The following WDR12 variants were observed in gnomAD, a reference collection of about 807,000 sequenced individuals.
WDR12 encodes the protein WD repeat domain 12.
WDR12 carries 42 observed loss-of-function variants against 64.3 expected under a neutral mutation model. That is an observed-to-expected ratio of 0.65 (90% CI 0.51 to 0.84). WDR12 has a LOEUF of 0.84. Ranked by LOEUF, WDR12 falls within the 40% of genes least tolerant of loss-of-function variation. The probability of loss-of-function intolerance (pLI) is 0.00; values close to 1 mark genes in which losing one functional copy is unlikely to be tolerated. For synonymous variants in WDR12, 158 were observed against 173.3 expected (o/e 0.91, Z 0.70); for missense variants, 469 against 494.6 (o/e 0.95, Z 0.49).
chr2:202,886,968 T>C (rs1271592959), intron 8 of WDR12, among the ~76,000 whole-genome samples: 1 of 152,176 alleles, frequency 6.6e-6, no homozygotes, highest in Non-Finnish European at 1.5e-5. Context: ...CATACACAGT[T>C]TCTGTTGTAT....
chr2:202,911,608 C>G lies in WDR12; in HGVS notation c.-132G>C. The G allele has an allele frequency of 1.2e-6, 1 of 835,530 alleles. No individual in the cohort carries two copies. The highest frequency in any genetic ancestry group is 2.0e-6 in the Non-Finnish European group (1 of 490,902). 51.8% of individuals were successfully genotyped at this position (835,530 alleles called of 1,614,324 possible). A position where few individuals can be genotyped will look rare whatever the true frequency, so the allele number is the denominator to read the frequency against. On this transcript the variant is annotated 5_prime_UTR_variant, in exon 1 of 13. Coordinates refer to ENST00000261015, the MANE Select transcript of WDR12 (RefSeq NM_018256.4). ...GCACAGGTAAGCGAGGAACTGCAGT[C>G]TAAGCCTGGACTCTGCCTTCTGCCC... is the stretch of plus-strand genomic sequence containing the variant.
chr2:202,900,429 A>T (rs1198196657), intron 3 of WDR12, among the ~76,000 whole-genome samples: 1 of 152,178 alleles, frequency 6.6e-6, no homozygotes, highest in Admixed American at 6.5e-5. Flanking sequence ...TAAGGAAACA[A>T]TTCTGGAAAA....
chr2:202,899,256 G>A (rs1462735967), intron 4 of WDR12, among the ~76,000 whole-genome samples: 1 of 151,880 alleles, frequency 6.6e-6, no homozygotes, highest in Non-Finnish European at 1.5e-5. Flanking sequence ...ATGTTAGCCA[G>A]GATGGTCTCG....
intron 2 of WDR12, among the ~76,000 whole-genome samples, chr2:202,905,036 A>G (rs1373150929): frequency 6.6e-6 from 1 of 152,260 alleles, no homozygotes; most frequent in Non-Finnish European, 1.5e-5. Context: ...TCTCAAAAGA[A>G]AATTCAAATG....
In WDR12 at chr2:202,894,646, G is replaced by A. The variant is rs1574406499; in HGVS notation, c.610-20C>T. ...GCAAAACTAAACAGATGTATATGAA[G>A]GGAAAAGACATATGTAATATGATTC... On this transcript the variant is annotated intron_variant, in intron 6 of 12. Transcript: ENST00000261015. 6.3e-7 allele frequency: 1 copy of A among 1,595,556 alleles called. No individual in the cohort carries two copies. Among genetic ancestry groups the A allele is most frequent in the Non-Finnish European group, 8.5e-7 (1 of 1,170,060 alleles).
Position 202,911,400 on chromosome 2 carries a change from C to G in WDR12, c.41+36G>C, listed in dbSNP as rs373006960. 43 of 1,609,838 alleles carry G rather than the reference C, an allele frequency of 2.7e-5. No homozygotes were observed. In the African/African-American group the frequency reaches 5.2e-4, roughly 19 times the overall value. ...ACCAAAGGGGTGGTCGGAAAGGAAC[C>G]TGGGGAAGGGAGAGAAGGCTGGAAC... On this transcript the variant is annotated intron_variant, in intron 1 of 12. Coordinates refer to ENST00000261015, the MANE Select transcript of WDR12 (RefSeq NM_018256.4).
At chr2:202,886,767 CAA>C (rs60735682) in intron 8 of WDR12, among the ~76,000 whole-genome samples, 3 of 79,042 alleles carry the variant, frequency 3.8e-5, no homozygotes, top group Admixed American at 2.9e-4. Flanking sequence ...AACTCCATCT[CAA>C]AAAAAAAAAA....
At chr2:202,906,521 C>T (rs1019101026) in intron 2 of WDR12, among the ~76,000 whole-genome samples, 3 of 152,194 alleles carry the variant, frequency 2.0e-5, no homozygotes, top group Non-Finnish European at 4.4e-5. Context: ...CCTCCAACTA[C>T]GGTAGAGTCA....
chr2:202,881,882 C>A (rs1468405555), intron 12 of WDR12, among the ~76,000 whole-genome samples: 1 of 151,986 alleles, frequency 6.6e-6, no homozygotes, highest in Non-Finnish European at 1.5e-5. Flanking sequence ...CAACAAAAAA[C>A]CCACTATACT....
At chr2:202,909,582 G>A (rs1688527743) in intron 1 of WDR12, among the ~76,000 whole-genome samples, 1 of 152,058 alleles carries the variant, frequency 6.6e-6, no homozygotes, top group African/African-American at 2.4e-5. Flanking sequence ...AAAATTGACT[G>A]TGGTGATGGT....
At position 202,896,175 on chromosome 2, in the gene WDR12, T is replaced by C. The variant is rs183654176; in HGVS notation, c.499A>G (p.Ile167Val). The C allele has an allele frequency of 5.0e-6, 8 of 1,614,068 alleles. No homozygotes were observed. The highest frequency in any genetic ancestry group is 2.2e-5 in the East Asian group (1 of 44,860). ...TCTACATTCCACTCCCATAAGAGAA[T>C]AGTCTGATCCATAGAAGCACTCAAT... is the stretch of plus-strand genomic sequence containing the variant. ...LLLSASMDQT[I>V]LLWEWNVERN... The change falls in exon 6 of 13, where the codon ATT (isoleucine) becomes GTT (valine). Residue 167 changes from isoleucine (I) to valine (V), a missense_variant. Coordinates refer to ENST00000261015, the MANE Select transcript of WDR12 (RefSeq NM_018256.4).
rs1171782405 is a variant in WDR12, at chr2:202,875,090, T to C, written c.*5770A>G. 6.6e-6 allele frequency: 1 copy of C among 152,184 alleles called. No individual in the cohort carries two copies. Among genetic ancestry groups the C allele is most frequent in the Non-Finnish European group, 1.5e-5 (1 of 68,024 alleles). 9.4% of individuals were successfully genotyped at this position (152,184 alleles called of 1,614,324 possible). On this transcript the variant is annotated 3_prime_UTR_variant, in exon 13 of 13. Coordinates refer to ENST00000261015, the MANE Select transcript of WDR12 (RefSeq NM_018256.4). ...CTCAGATGTATGTCGCACAGCTCCA[T>C]TAATTGGTTACATACCTTCACACTA... is the stretch of plus-strand genomic sequence containing the variant.
rs1302729124 is a variant in WDR12, at chr2:202,880,439, T to C, written c.*421A>G. ...GATGTGTGCCTGTAATCCCAGCTAC[T>C]TGGGAGGTTGAGACAGGAGAATCGA... On this transcript the variant is annotated 3_prime_UTR_variant, in exon 13 of 13. Coordinates refer to ENST00000261015, the MANE Select transcript of WDR12 (RefSeq NM_018256.4). 6.5e-6 allele frequency: 1 copy of C among 152,766 alleles called. No individual in the cohort carries two copies. The allele number at this position is 152,766 out of a possible 1,614,324, so 9.5% of individuals were successfully genotyped here.
Position 202,876,317 on chromosome 2 carries a change from A to G in WDR12, c.*4543T>C, listed in dbSNP as rs1023541640. ...TGGGGCAGGAGGATCCCTTGAACCC[A>G]GGAGTTGAGCCTGGATGGCAGAGCT... On this transcript the variant is annotated 3_prime_UTR_variant, in exon 13 of 13. Transcript: ENST00000261015. 1.3e-5 allele frequency: 2 copies of G among 152,218 alleles called. No homozygotes were observed. Among genetic ancestry groups the G allele is most frequent in the African/African-American group, 4.8e-5 (2 of 41,462 alleles). 9.4% of individuals were successfully genotyped at this position (152,218 alleles called of 1,614,324 possible).
In WDR12 at chr2:202,884,058, G is replaced by A. The variant is rs561762491; in HGVS notation, c.988+140C>T. 5.2e-4 allele frequency: 416 copies of A among 803,770 alleles called. 6 individuals are homozygous for A. In the South Asian group the frequency reaches 6.2e-3, roughly 12 times the overall value. The allele number at this position is 803,770 out of a possible 1,614,324, so 49.8% of individuals were successfully genotyped here. On this transcript the variant is annotated intron_variant, in intron 10 of 12. Transcript: ENST00000261015. The stretch of plus-strand genomic sequence containing the variant: ...CAACTCCTGACCTCATGATCTGCCC[G>A]CCTCGGCCTCTCAAAGTGCTGGGAT...
chr2:202,900,376 A>C (rs1171829639), intron 3 of WDR12, among the ~76,000 whole-genome samples: 1 of 152,060 alleles, frequency 6.6e-6, no homozygotes, highest in Non-Finnish European at 1.5e-5. Context: ...AAAATTAAGA[A>C]AAAAAGCACA....
chr2:202,883,485 A>G, intron 11 of WDR12, 124 bp downstream of exon 11: 2 of 1,211,926 alleles, frequency 1.7e-6, no homozygotes, highest in Non-Finnish European at 2.2e-6. Flanking sequence ...TATTTGTCAC[A>G]TGAGGTTGCA....
intron 7 of WDR12, among the ~76,000 whole-genome samples, chr2:202,893,467 A>G (rs1688187927): frequency 6.6e-6 from 1 of 152,184 alleles, no homozygotes; most frequent in Admixed American, 6.5e-5. Flanking sequence ...TTTCTAAACT[A>G]AATCACTTTT....
intron 8 of WDR12, among the ~76,000 whole-genome samples, chr2:202,891,432 G>A (rs903782048): frequency 2.0e-5 from 3 of 152,188 alleles, no homozygotes; most frequent in South Asian, 2.1e-4. Context: ...TTATAGGCCT[G>A]AGCCACCACA....
Sources: allele counts gnomAD v4.1 joint callset (sites outside exome capture counted in the v4.1 genomes callset), GRCh38; gene constraint gnomAD v4.1.1; transcripts MANE v1.5; gene names NCBI Gene and HGNC (gene_info 2026-07-23, HGNC 2026-07-21).